Variants in KLHL32 observed in about 807,000 individuals in gnomAD.
The protein encoded by KLHL32 is kelch like family member 32.
In KLHL32, 35 loss-of-function variants were observed where a neutral mutation model predicts 64.8. That is an observed-to-expected ratio of 0.54 (90% CI 0.41 to 0.72). KLHL32 has a LOEUF of 0.72. Ranked by LOEUF, KLHL32 falls within the 30% of genes least tolerant of loss-of-function variation. The probability of loss-of-function intolerance (pLI) is 0.00; values close to 1 mark genes in which losing one functional copy is unlikely to be tolerated. For synonymous variants in KLHL32, 259 were observed against 281.0 expected, an observed-to-expected ratio of 0.92 and a Z score of 0.78; for missense variants, 589 against 768.5, an observed-to-expected ratio of 0.77 and a Z score of 2.76.
chr6:97,010,423 G>C (rs1331654909), intron 3 of KLHL32, among the ~76,000 whole-genome samples: 1 of 152,140 alleles, frequency 6.6e-6, no homozygotes, highest in East Asian at 1.9e-4. Flanking sequence ...CAGATAATAA[G>C]TGTAGCAAAT....
chr6:96,939,108 G>T (rs1223185728), intron 1 of KLHL32, among the ~76,000 whole-genome samples: 1 of 152,112 alleles, frequency 6.6e-6, no homozygotes, highest in Non-Finnish European at 1.5e-5. Flanking sequence ...ACACCTTATT[G>T]GCTTGCATGG....
rs143302428 is a variant in KLHL32, at chr6:96,961,700, G to T, written c.-65-5296G>T. ...TAAAGTATAGGGAAAGATGATTGGT[G>T]AGTCGGAAAGGTGAGGTAATTAGGG... On this transcript the variant is annotated intron_variant, in intron 1 of 10. Coordinates refer to ENST00000369261, the MANE Select transcript of KLHL32 (RefSeq NM_052904.4). Among the ~76,000 whole-genome samples the T allele has an allele frequency of 1.5e-3, 235 of 152,338 alleles. 1 individual carries two copies. The highest frequency in any genetic ancestry group is 5.3e-3 in the African/African-American group (222 of 41,574).
At chr6:96,937,300 A>G (rs1770731320) in intron 1 of KLHL32, among the ~76,000 whole-genome samples, 1 of 152,188 alleles carries the variant, frequency 6.6e-6, no homozygotes, top group Admixed American at 6.5e-5. Context: ...TGTTCTAGAC[A>G]TTGGCATATT....
At chr6:96,929,962 A>C (rs188201429) in intron 1 of KLHL32, among the ~76,000 whole-genome samples, 6 of 152,218 alleles carry the variant, frequency 3.9e-5, no homozygotes, top group Non-Finnish European at 8.8e-5. Context: ...GGCAGTTTTC[A>C]TGGACTCTTG....
At chr6:97,133,228 T>C (rs942000691) in intron 10 of KLHL32, among the ~76,000 whole-genome samples, 1 of 152,350 alleles carries the variant, frequency 6.6e-6, no homozygotes, top group Non-Finnish European at 1.5e-5. Context: ...AGGGACAGCC[T>C]CTGTCCCAAA....
intron 3 of KLHL32, among the ~76,000 whole-genome samples, chr6:97,016,157 C>T (rs569184057): frequency 2.0e-5 from 3 of 152,266 alleles, no homozygotes; most frequent in African/African-American, 7.2e-5. Flanking sequence ...AGAGTCCCCA[C>T]TGGGGCACTG....
chr6:97,009,259 A>C (rs977462316), intron 3 of KLHL32, among the ~76,000 whole-genome samples: 1 of 151,902 alleles, frequency 6.6e-6, no homozygotes, highest in Non-Finnish European at 1.5e-5. Flanking sequence ...AATTCTGTTA[A>C]GAAACAGTAT....
intron 3 of KLHL32, among the ~76,000 whole-genome samples, chr6:96,980,462 T>C (rs1352911753): frequency 6.6e-6 from 1 of 152,106 alleles, no homozygotes; most frequent in Non-Finnish European, 1.5e-5. Context: ...ATGAATCACA[T>C]TTATTTATTT....
intron 1 of KLHL32, among the ~76,000 whole-genome samples, chr6:96,931,405 G>A (rs1769870317): frequency 6.6e-6 from 1 of 152,142 alleles, no homozygotes; most frequent in African/African-American, 2.4e-5. Flanking sequence ...ACTGCTAGCA[G>A]CCTACCACAT....
Position 97,111,947 on chromosome 6 carries a change from G to A in KLHL32, c.628-1836G>A, listed in dbSNP as rs569030667. ...CCACTTCTCTCCAACTATAGTCTCTGACATTTAGCTGCTGCTTCTCCTCTT... is the reference window on the plus strand; with the variant it reads ...CCACTTCTCTCCAACTATAGTCTCTAACATTTAGCTGCTGCTTCTCCTCTT... On this transcript the variant is annotated intron_variant, in intron 6 of 10. Coordinates refer to ENST00000369261, the MANE Select transcript of KLHL32 (RefSeq NM_052904.4). 3.0e-4 allele frequency among the ~76,000 whole-genome samples: 45 copies of A among 152,060 alleles called. No individual in the cohort carries two copies. In the South Asian group the frequency reaches 5.2e-3, roughly 18 times the overall value.
chr6:96,958,423 G>A (rs376591889), intron 1 of KLHL32, among the ~76,000 whole-genome samples: 49 of 152,140 alleles, frequency 3.2e-4, no homozygotes, highest in African/African-American at 9.9e-4. Context: ...GCAAAAAGGA[G>A]GGGTAGAAAG....
At chr6:97,002,523 T>A (rs529451768) in intron 3 of KLHL32, among the ~76,000 whole-genome samples, 3 of 152,210 alleles carry the variant, frequency 2.0e-5, no homozygotes, top group Non-Finnish European at 4.4e-5. Context: ...GTTTGTTATA[T>A]AGGTAAATTG....
intron 4 of KLHL32, among the ~76,000 whole-genome samples, chr6:97,052,022 C>T (rs893424541): frequency 2.0e-5 from 3 of 152,170 alleles, no homozygotes; most frequent in Admixed American, 1.3e-4. Context: ...AAAAGGCCAC[C>T]TTTACTATCC....
intron 6 of KLHL32, among the ~76,000 whole-genome samples, chr6:97,088,823 A>T (rs1793806331): frequency 6.6e-6 from 1 of 152,248 alleles, no homozygotes; most frequent in Non-Finnish European, 1.5e-5. Flanking sequence ...TATCATTCTC[A>T]TGATCAGATC....
chr6:97,040,526 C>T (rs937569600), intron 3 of KLHL32, among the ~76,000 whole-genome samples: 3 of 152,052 alleles, frequency 2.0e-5, no homozygotes, highest in Admixed American at 6.6e-5. Context: ...ATTGCTGGGC[C>T]CTGCTTGGAG....
At chr6:97,027,559 A>C (rs1304606352) in intron 3 of KLHL32, among the ~76,000 whole-genome samples, 2 of 150,370 alleles carry the variant, frequency 1.3e-5, no homozygotes, top group East Asian at 3.9e-4. Context: ...GAGAAAATCA[A>C]CCAAAATAAT....
chr6:97,113,767 C>T lies in KLHL32; in HGVS notation c.628-16C>T, dbSNP rs573982831. The T allele has an allele frequency of 3.7e-6, 6 of 1,603,492 alleles. No homozygotes were observed. In the African/African-American group the frequency reaches 8.0e-5, roughly 21 times the overall value. On this transcript the variant is annotated splice_polypyrimidine_tract_variant and intron_variant, in intron 6 of 10. Transcript: ENST00000369261. ...TACCTTTGTGTCTCCTCTCATCTCA[C>T]TTCCCTCTGTTTCAGCTAGCTGTGA...
chr6:97,070,434 G>A (rs777695448), intron 5 of KLHL32, among the ~76,000 whole-genome samples: 11 of 152,088 alleles, frequency 7.2e-5, no homozygotes, highest in Non-Finnish European at 1.3e-4. Context: ...ATCTGCAGTA[G>A]CCATTTTAGG....
intron 4 of KLHL32, among the ~76,000 whole-genome samples, chr6:97,057,661 G>C (rs1788232298): frequency 6.6e-6 from 1 of 151,374 alleles, no homozygotes; most frequent in African/African-American, 2.4e-5. Flanking sequence ...AGATGTATCT[G>C]TTGCAAATAT....
Sources: gnomAD v4.1 joint callset for allele counts (sites outside exome capture counted in the v4.1 genomes callset) on GRCh38, gnomAD v4.1.1 for gene constraint, MANE v1.5 for transcripts, NCBI Gene and HGNC (gene_info 2026-07-23, HGNC 2026-07-21) for gene names.